The following LRGUK variants were observed in gnomAD, a reference collection of about 807,000 sequenced individuals.
The protein encoded by LRGUK is leucine rich repeats and guanylate kinase domain containing.
Under a neutral mutation model 76.0 loss-of-function variants are expected in LRGUK, and 65 were observed. That is an observed-to-expected ratio of 0.85 (90% CI 0.70 to 1.05). The LOEUF (loss-of-function observed/expected upper bound fraction) is 1.05, where lower values mean the gene tolerates loss of function less well. LRGUK is among the 50% of genes least tolerant of loss of function. The probability of loss-of-function intolerance (pLI) is 0.00; values close to 1 mark genes in which losing one functional copy is unlikely to be tolerated. For synonymous variants in LRGUK, 268 were observed against 265.6 expected, an observed-to-expected ratio of 1.01 and a Z score of -0.09; for missense variants, 758 against 732.8, an observed-to-expected ratio of 1.03 and a Z score of -0.40.
chr7:134,136,339 A>G (rs1222401), intron 1 of LRGUK, among the ~76,000 whole-genome samples: 151,456 of 152,322 alleles, frequency 0.99, 75,308 homozygotes, highest in Middle Eastern at 1. Flanking sequence ...TAAAAATCTT[A>G]TACATTTTAT....
chr7:134,202,557 T>C (rs190333723), intron 15 of LRGUK, among the ~76,000 whole-genome samples: 1 of 152,206 alleles, frequency 6.6e-6, no homozygotes, highest in Admixed American at 6.5e-5. Context: ...TTAGCAGCAC[T>C]ATTCACAATA....
At chr7:134,144,450 A>G (rs1432470440) in intron 4 of LRGUK, among the ~76,000 whole-genome samples, 1 of 152,200 alleles carries the variant, frequency 6.6e-6, no homozygotes, top group African/African-American at 2.4e-5. Context: ...GGACTTTTAA[A>G]GAGACCATCA....
At chr7:134,169,173 C>CTGA (rs1480210683) in intron 7 of LRGUK, among the ~76,000 whole-genome samples, 1 of 143,496 alleles carries the variant, frequency 7.0e-6, no homozygotes, top group Non-Finnish European at 1.5e-5. Flanking sequence ...CACACACACA[C>CTGA]ACACACACAC....
At chr7:134,133,747 G>A (rs1160496529) in intron 1 of LRGUK, among the ~76,000 whole-genome samples, 3 of 152,140 alleles carry the variant, frequency 2.0e-5, no homozygotes, top group African/African-American at 7.2e-5. Flanking sequence ...TCAGAGACTT[G>A]AAGATAGAGA....
downstream of LRGUK, among the ~76,000 whole-genome samples, chr7:134,215,218 A>C (rs1388547866): frequency 4.1e-5 from 6 of 144,840 alleles, no homozygotes; most frequent in East Asian, 2.0e-4. Context: ...AACACCTGGC[A>C]AAAAAAAAAA....
intron 4 of LRGUK, among the ~76,000 whole-genome samples, chr7:134,143,399 C>T (rs925614773): frequency 2.0e-5 from 3 of 152,108 alleles, no homozygotes; most frequent in Non-Finnish European, 4.4e-5. Flanking sequence ...TTCAAACCAA[C>T]GAACTTTCCT....
chr7:134,256,738 C>T (rs1802593833), intron 18 of LRGUK, among the ~76,000 whole-genome samples: 2 of 152,130 alleles, frequency 1.3e-5, no homozygotes. Context: ...AATGGCACTT[C>T]CTCAAGGAGA....
rs145103144 is a variant in LRGUK at position 134,199,308 on chromosome 7, G to A, written c.1634G>A (p.Arg545Gln). The A allele has an allele frequency of 6.4e-5, 103 of 1,613,734 alleles. 1 individual carries two copies. In the East Asian group the frequency reaches 1.7e-3, roughly 27 times the overall value. Residue 545 changes from arginine to glutamine, a missense_variant, in exon 14 of 16, where the codon CGG becomes CAG. Coordinates refer to ENST00000645682, the Ensembl canonical transcript of LRGUK. ...AAGGAAAAATATGAGGGATATTTGC[G>A]GAGAAAAGGATTATTCAGTCGTGCA...
In LRGUK at chr7:134,127,807, CCT is replaced by C. The variant is rs1797080800; in HGVS notation, c.297+146_297+147del. 25 of 876,962 alleles carry C rather than the reference CCT, an allele frequency of 2.9e-5. No homozygotes were observed. The South Asian group carries it at 4.5e-4, about 16-fold the overall frequency. 54.3% of individuals were successfully genotyped at this position (876,962 alleles called of 1,614,324 possible). A position where few individuals can be genotyped will look rare whatever the true frequency, so the allele number is the denominator to read the frequency against. On this transcript the variant is annotated intron_variant, in intron 1 of 15. Coordinates refer to ENST00000645682, the Ensembl canonical transcript of LRGUK. ...CTCGCCTCCAGGAACGCCTCTTCCC[CCT>C]CTTTTCTTCCCCTGTCTTTTACCCC...
At chr7:134,273,327 C>A in the LRGUK span, among the ~76,000 whole-genome samples, 1 of 152,292 alleles carries the variant, frequency 6.6e-6, no homozygotes, top group African/African-American at 2.4e-5. Flanking sequence ...CCCTTCCTCT[C>A]AGAGTCCCAC....
Position 134,232,335 on chromosome 7 carries a change from A to G in LRGUK, c.1983+10417A>G, listed in dbSNP as rs528073390. The stretch of plus-strand genomic sequence containing the variant: ...ACCCTGTCATCCAGGCTGGAGTGCA[A>G]TGGCACGATCTCGGCTCACTGCAAC... On this transcript the variant is annotated intron_variant, in intron 16 of 19. Transcript: ENST00000285928. 2.6e-5 allele frequency among the ~76,000 whole-genome samples: 4 copies of G among 151,996 alleles called. No homozygotes were observed. In the East Asian group the frequency reaches 7.7e-4, roughly 29 times the overall value.
At chr7:134,175,110 T>C (rs1480310265) in intron 8 of LRGUK, among the ~76,000 whole-genome samples, 1 of 152,220 alleles carries the variant, frequency 6.6e-6, no homozygotes, top group African/African-American at 2.4e-5. Context: ...TTGATGTATA[T>C]GTGAAATAAT....
At chr7:134,209,425 C>A in exon 16 of LRGUK, 3 of 399,148 alleles carry the variant, frequency 7.5e-6, no homozygotes, top group Non-Finnish European at 8.8e-6. Flanking sequence ...AACCGGAAGC[C>A]ATCCGAGTCA....
intron 9 of LRGUK, among the ~76,000 whole-genome samples, chr7:134,177,310 G>A (rs1799524277): frequency 6.6e-6 from 1 of 152,178 alleles, no homozygotes. Context: ...GGTTGGCTGT[G>A]GGGAACAGAA....
At chr7:134,247,700 C>A (rs1802342351) in intron 17 of LRGUK, 56 bp downstream of exon 17, 1 of 1,314,370 alleles carries the variant, frequency 7.6e-7, no homozygotes, top group Non-Finnish European at 1.1e-6. Context: ...TCAAATAGAT[C>A]AAATGAATCC....
chr7:134,174,961 A>G (rs1293429872), intron 8 of LRGUK, among the ~76,000 whole-genome samples: 2 of 152,182 alleles, frequency 1.3e-5, no homozygotes, highest in Non-Finnish European at 2.9e-5. Context: ...GAAGGAGGTA[A>G]TAAGATTGCA....
chr7:134,244,175 T>C (rs894271020), intron 16 of LRGUK, among the ~76,000 whole-genome samples: 1 of 152,078 alleles, frequency 6.6e-6, no homozygotes, highest in African/African-American at 2.4e-5. Flanking sequence ...CCAAAAGCAA[T>C]GGCAACAAAA....
At chr7:134,210,120 G>A (rs1801189179) in exon 16 of LRGUK, 2 of 399,264 alleles carry the variant, frequency 5.0e-6, no homozygotes, top group African/African-American at 4.1e-5. Context: ...ACGGCTAGAG[G>A]ACTGGCACCT....
chr7:134,169,171 C>T (rs1799134805), intron 7 of LRGUK, among the ~76,000 whole-genome samples: 1 of 150,186 alleles, frequency 6.7e-6, no homozygotes, highest in Admixed American at 6.7e-5. Context: ...CACACACACA[C>T]ACACACACAC....
Sources: gnomAD v4.1 joint callset for allele counts (sites outside exome capture counted in the v4.1 genomes callset) on GRCh38, gnomAD v4.1.1 for gene constraint, MANE v1.5 for transcripts, NCBI Gene and HGNC (gene_info 2026-07-23, HGNC 2026-07-21) for gene names.